BCCIP: variants seen among roughly 807,000 people sequenced by gnomAD.
The protein encoded by BCCIP is BRCA2 and CDKN1A-interacting protein.
A neutral mutation model predicts 32.8 loss-of-function variants in BCCIP; 23 were observed. That is an observed-to-expected ratio of 0.70 (90% CI 0.51 to 0.99). BCCIP has a LOEUF of 0.99. BCCIP is among the 50% of genes least tolerant of loss of function. The probability of loss-of-function intolerance (pLI) is 0.00; values close to 1 mark genes in which losing one functional copy is unlikely to be tolerated. For synonymous variants in BCCIP, 144 were observed against 137.6 expected (o/e 1.05, Z -0.33); for missense variants, 378 against 379.8 (o/e 1.00, Z 0.04).
exon 8 of BCCIP, chr10:125,853,211 A>G: frequency 1.2e-6 from 2 of 1,612,266 alleles, no homozygotes; most frequent in Non-Finnish European, 1.7e-6. Flanking sequence ...TTTCCAGGGA[A>G]CCTTCATGAC....
rs1854240152 is a variant in BCCIP, at chr10:125,823,626, G to C, written c.69G>C (p.Gln23His). ...CGCAGCCGCCGGATCCCCCAGTCCA[G>C]CGCGACGAGGAAGAGGAAAAAGAAG... The part of the protein sequence containing the change: ...GVPQPPDPPV[Q>H]RDEEEEKEVE... The change falls in exon 1 of 7, where the codon CAG (glutamine) becomes CAC (histidine). Residue 23 changes from glutamine to histidine, a missense_variant. By Grantham distance (24) the Gln-to-His change is conservative. Transcript: ENST00000278100. 1 of 1,614,168 alleles carries C rather than the reference G, an allele frequency of 6.2e-7. No individual in the cohort carries two copies. Among genetic ancestry groups the C allele is most frequent in the African/African-American group, 1.3e-5 (1 of 75,064 alleles).
downstream of BCCIP, among the ~76,000 whole-genome samples, chr10:125,843,719 CAG>C (rs1350822924): frequency 6.6e-6 from 1 of 152,324 alleles, no homozygotes; most frequent in Non-Finnish European, 1.5e-5. Context: ...GGAAATGACT[CAG>C]GGAAGCTGCG....
downstream of BCCIP, chr10:125,841,266 AC>A (rs1854871756): frequency 6.2e-7 from 1 of 1,613,956 alleles, no homozygotes; most frequent in Non-Finnish European, 8.5e-7. Flanking sequence ...AGCAGGGAAA[AC>A]CTGAGGTGCT....
chr10:125,835,242 T>C (rs1174336689), intron 6 of BCCIP, among the ~76,000 whole-genome samples: 1 of 152,078 alleles, frequency 6.6e-6, no homozygotes, highest in East Asian at 1.9e-4. Flanking sequence ...GCTACAAATT[T>C]AGCTGTGCCC....
chr10:125,840,383 C>T (rs2282438), downstream of BCCIP, among the ~76,000 whole-genome samples: 2 of 152,242 alleles, frequency 1.3e-5, no homozygotes, highest in African/African-American at 4.8e-5. Context: ...TGCAGCCTCC[C>T]CTCAGCACCC....
chr10:125,826,464 A>G, intron 1 of BCCIP, 127 bp from the exon 2 acceptor site: 2 of 1,409,600 alleles, frequency 1.4e-6, no homozygotes, highest in Non-Finnish European at 1.9e-6. Context: ...CTTTTGTGTC[A>G]CCTGAAGAAA....
intron 6 of BCCIP, 72 bp downstream of exon 6, chr10:125,834,018 G>A: frequency 6.6e-6 from 10 of 1,522,144 alleles, no homozygotes; most frequent in Non-Finnish European, 9.1e-6. Flanking sequence ...AAGATTTATT[G>A]TTCTCCCACT....
At chr10:125,853,243 A>G (rs1944115078) in exon 8 of BCCIP, 1 of 1,596,668 alleles carries the variant, frequency 6.3e-7, no homozygotes. Flanking sequence ...CTCTGTCATA[A>G]TAAGTCAGGG....
At position 125,849,010 on chromosome 10, in the gene BCCIP, T is replaced by G. The variant is rs57277467; in HGVS notation, c.851-4115T>G. 1.6e-3 allele frequency among the ~76,000 whole-genome samples: 245 copies of G among 152,286 alleles called. 1 individual carries two copies. Among genetic ancestry groups the G allele is most frequent in the African/African-American group, 5.5e-3 (227 of 41,550 alleles). On this transcript the variant is annotated intron_variant, in intron 7 of 7. Transcript: ENST00000368759. ...CAAGAGCCTGTGCCTTTTGGCATAG[T>G]CCCCTCAATATGGGGACCATCTACC...
intron 5 of BCCIP, among the ~76,000 whole-genome samples, chr10:125,832,989 G>A (rs1413362958): frequency 6.6e-6 from 1 of 151,808 alleles, no homozygotes; most frequent in Non-Finnish European, 1.5e-5. Flanking sequence ...GGGTATGGTG[G>A]TGCAGACCTG....
chr10:125,849,570 C>T lies in BCCIP; in HGVS notation c.851-3555C>T, dbSNP rs73381247. Among the ~76,000 whole-genome samples, 732 of 152,262 alleles carry T rather than the reference C, an allele frequency of 4.8e-3. 8 individuals are homozygous for T. The highest frequency in any genetic ancestry group is 0.016 in the African/African-American group (666 of 41,548). ...ATTAACTTAAAAACCTAGGCTGTGG[C>T]CTCCTGACAGTCATGCTAGAATATT... is the stretch of plus-strand genomic sequence containing the variant. On this transcript the variant is annotated intron_variant, in intron 7 of 7. Transcript: ENST00000368759.
At chr10:125,839,609 A>C (rs1854813333), downstream of BCCIP, among the ~76,000 whole-genome samples, 1 of 152,222 alleles carries the variant, frequency 6.6e-6, no homozygotes, top group Admixed American at 6.5e-5. Context: ...CCACAGTATA[A>C]ATTCCTCTGA....
rs1854682212 is a variant in BCCIP at position 125,836,290 on chromosome 10, C to T, written c.*16C>T. ...ATCTGTCTAACCCATTTCCAATGGA[C>T]AGTGATGGGCTTGTTTTTGTAAAAT... On this transcript the variant is annotated 3_prime_UTR_variant, in exon 7 of 7. Coordinates refer to ENST00000278100, the MANE Select transcript of BCCIP (RefSeq NM_078468.3). The T allele has an allele frequency of 1.9e-6, 3 of 1,613,552 alleles. No individual in the cohort carries two copies. In the East Asian group the frequency reaches 6.7e-5, roughly 36 times the overall value.
intron 7 of BCCIP, among the ~76,000 whole-genome samples, chr10:125,849,253 A>T (rs1397770856): frequency 6.6e-6 from 1 of 152,234 alleles, no homozygotes; most frequent in South Asian, 2.1e-4. Flanking sequence ...TTCCGCCTGC[A>T]CTGTTGCACG....
chr10:125,826,876 G>A (rs1032160331), intron 2 of BCCIP, among the ~76,000 whole-genome samples: 9 of 151,630 alleles, frequency 5.9e-5, no homozygotes, highest in Admixed American at 5.9e-4. Context: ...AGCACACACC[G>A]TTAGTCCTAA....
At position 125,824,915 on chromosome 10, in the gene BCCIP, G is replaced by C. The variant is rs116463624; in HGVS notation, c.165+1193G>C. 2.9e-3 allele frequency among the ~76,000 whole-genome samples: 447 copies of C among 152,382 alleles called. 4 individuals are homozygous for C. Among genetic ancestry groups the C allele is most frequent in the African/African-American group, 9.9e-3 (413 of 41,584 alleles). On this transcript the variant is annotated intron_variant, in intron 1 of 6. Transcript: ENST00000278100. ...GAAATAAAATCAGAGAGGTAATCAT[G>C]AGTCATGATGAGCATGGAGGGGAGC...
chr10:125,848,134 G>T (rs1227065615), intron 7 of BCCIP, among the ~76,000 whole-genome samples: 4 of 152,158 alleles, frequency 2.6e-5, no homozygotes, highest in Non-Finnish European at 5.9e-5. Context: ...GTTGGGACTT[G>T]GGCATTGTGT....
intron 7 of BCCIP, among the ~76,000 whole-genome samples, chr10:125,850,664 T>C (rs1467885688): frequency 1.3e-5 from 2 of 152,228 alleles, no homozygotes; most frequent in African/African-American, 2.4e-5. Flanking sequence ...AACTTTATTT[T>C]CTTCCTGCAT....
At chr10:125,837,000 A>G (rs1043173759), downstream of BCCIP, 23 of 685,178 alleles carry the variant, frequency 3.4e-5, no homozygotes, top group Non-Finnish European at 5.1e-5. Context: ...TCTCAGTCCG[A>G]CTTTGTAAAA....
Sources: gnomAD v4.1 joint callset for allele counts (sites outside exome capture counted in the v4.1 genomes callset) on GRCh38, gnomAD v4.1.1 for gene constraint, MANE v1.5 for transcripts, NCBI Gene and HGNC (gene_info 2026-07-23, HGNC 2026-07-21) for gene names.